PPM1H: variants seen among roughly 807,000 people sequenced by gnomAD.
The protein encoded by PPM1H is protein phosphatase 1H.
PPM1H carries 27 observed loss-of-function variants against 54.9 expected under a neutral mutation model. That is an observed-to-expected ratio of 0.49 (90% confidence interval 0.36 to 0.68). The LOEUF (loss-of-function observed/expected upper bound fraction) is 0.68. Among genes scored for constraint, PPM1H ranks in the 30% least tolerant of loss-of-function variants. The pLI is 0.00. For synonymous variants in PPM1H, 305 were observed against 270.8 expected, an observed-to-expected ratio of 1.13 and a Z score of -1.24; for missense variants, 596 against 667.8, an observed-to-expected ratio of 0.89 and a Z score of 1.19.
chr12:62,868,631 T>A (rs1293761448), intron 1 of PPM1H, among the ~76,000 whole-genome samples: 1 of 152,218 alleles, frequency 6.6e-6, no homozygotes, highest in Non-Finnish European at 1.5e-5. Flanking sequence ...CTGTTTACAC[T>A]TACCTCAAGA....
At chr12:62,728,944 A>AT (rs61163389) in intron 5 of PPM1H, among the ~76,000 whole-genome samples, 2,094 of 151,790 alleles carry the variant, frequency 0.014, 49 homozygotes, top group African/African-American at 0.048. Context: ...CCTTTTGATA[A>AT]TTTTTTTTTC....
intron 1 of PPM1H, among the ~76,000 whole-genome samples, chr12:62,923,543 A>G (rs926750453): frequency 6.6e-6 from 1 of 152,112 alleles, no homozygotes; most frequent in African/African-American, 2.4e-5. Flanking sequence ...CTGGGATTAC[A>G]GGTGTGTACC....
At position 62,671,294 on chromosome 12, in the gene PPM1H, G is replaced by A. The variant is rs1488081228; in HGVS notation, c.1246-3965C>T. The stretch of plus-strand genomic sequence containing the variant: ...AAACGGCTTTGAAGTGGGACTGGGG[G>A]ACATGGTCAGACCTTCTAATGGCTC... On this transcript the variant is annotated intron_variant, in intron 8 of 9. Transcript: ENST00000228705. 2.0e-5 allele frequency among the ~76,000 whole-genome samples: 3 copies of A among 152,154 alleles called. 1 individual carries two copies. The South Asian group carries it at 6.2e-4, about 32-fold the overall frequency.
intron 5 of PPM1H, chr12:62,720,998 A>C (rs530324221): frequency 1.0e-4 from 16 of 152,442 alleles, no homozygotes; most frequent in African/African-American, 3.4e-4. Flanking sequence ...TTCTCTACTC[A>C]GAGGCCACAT....
intron 4 of PPM1H, among the ~76,000 whole-genome samples, chr12:62,778,357 G>T: frequency 6.6e-6 from 1 of 152,140 alleles, no homozygotes; most frequent in East Asian, 1.9e-4. Context: ...TTGCTTCTCA[G>T]TAAAGTCACA....
At chr12:62,722,817 G>A (rs2076271059) in intron 5 of PPM1H, among the ~76,000 whole-genome samples, 1 of 152,188 alleles carries the variant, frequency 6.6e-6, no homozygotes, top group African/African-American at 2.4e-5. Context: ...ACACAGAGTT[G>A]CGTTAAGTGT....
chr12:62,659,148 G>A (rs978172732), intron 9 of PPM1H: 183 of 730,942 alleles, frequency 2.5e-4, no homozygotes, highest in Non-Finnish European at 7.3e-5. Flanking sequence ...CTGCAAAGCC[G>A]TTGTGGAAAG....
chr12:62,812,487 C>T (rs892158629), intron 2 of PPM1H, among the ~76,000 whole-genome samples: 13 of 152,138 alleles, frequency 8.5e-5, no homozygotes, highest in African/African-American at 3.1e-4. Context: ...TTCTGACTCA[C>T]AAAACAATAA....
chr12:62,857,827 CATT>C (rs1428739928), intron 1 of PPM1H, among the ~76,000 whole-genome samples: 4 of 152,070 alleles, frequency 2.6e-5, no homozygotes, highest in African/African-American at 9.7e-5. Context: ...ATATTGTGCA[CATT>C]ATATTTTATT....
intron 8 of PPM1H, among the ~76,000 whole-genome samples, chr12:62,680,824 C>T (rs2136627767): frequency 6.6e-6 from 1 of 152,274 alleles, no homozygotes; most frequent in Middle Eastern, 3.4e-3. Flanking sequence ...CCAAAAAAGG[C>T]ATAGAGGAAT....
chr12:62,672,749 CT>C (rs1160880265), intron 8 of PPM1H, among the ~76,000 whole-genome samples: 2 of 152,222 alleles, frequency 1.3e-5, no homozygotes, highest in African/African-American at 4.8e-5. Flanking sequence ...TATTTTACCC[CT>C]GTCCAGCTTA....
chr12:62,660,452 A>G (rs1206531891), intron 9 of PPM1H, among the ~76,000 whole-genome samples: 1 of 152,218 alleles, frequency 6.6e-6, no homozygotes, highest in East Asian at 1.9e-4. Flanking sequence ...CTACAAAGCT[A>G]TATTAACCCA....
At chr12:62,671,479 C>T (rs1394153390) in intron 8 of PPM1H, among the ~76,000 whole-genome samples, 2 of 152,182 alleles carry the variant, frequency 1.3e-5, no homozygotes, top group African/African-American at 4.8e-5. Context: ...TGCATACTTG[C>T]TGTGTGCCAA....
chr12:62,878,480 CAG>C (rs745698244), intron 1 of PPM1H, among the ~76,000 whole-genome samples: 11 of 151,934 alleles, frequency 7.2e-5, no homozygotes, highest in Non-Finnish European at 1.2e-4. Context: ...TTACTCAAGA[CAG>C]AAGTAGCTTT....
intron 1 of PPM1H, among the ~76,000 whole-genome samples, chr12:62,843,320 A>AAAC (rs1565806793): frequency 4.3e-4 from 66 of 152,236 alleles, no homozygotes; most frequent in Admixed American, 3.8e-3. Context: ...CTGTCTCAAA[A>AAAC]AAACAAACAA....
chr12:62,702,211 C>T (rs913043279), intron 6 of PPM1H, among the ~76,000 whole-genome samples: 5 of 152,112 alleles, frequency 3.3e-5, no homozygotes, highest in African/African-American at 1.2e-4. Context: ...AGTATATATA[C>T]AAATAGTTAT....
At chr12:62,868,656 T>C (rs149624759) in intron 1 of PPM1H, among the ~76,000 whole-genome samples, 129 of 152,354 alleles carry the variant, frequency 8.5e-4, no homozygotes, top group African/African-American at 2.8e-3. Flanking sequence ...TACAATACCC[T>C]GTACAAATAT....
chr12:62,797,969 G>C (rs2076745661), intron 3 of PPM1H, among the ~76,000 whole-genome samples: 1 of 152,174 alleles, frequency 6.6e-6, no homozygotes, highest in African/African-American at 2.4e-5. Flanking sequence ...AAAGCACAAG[G>C]TATGGCCACC....
chr12:62,669,539 G>A (rs559089012), intron 8 of PPM1H, among the ~76,000 whole-genome samples: 11 of 152,294 alleles, frequency 7.2e-5, no homozygotes, highest in East Asian at 1.9e-4. Flanking sequence ...GGGAATCAAC[G>A]TCTCAGTGGA....
Sources: allele counts gnomAD v4.1 joint callset (sites outside exome capture counted in the v4.1 genomes callset), GRCh38; gene constraint gnomAD v4.1.1; transcripts MANE v1.5; gene names NCBI Gene and HGNC (gene_info 2026-07-23, HGNC 2026-07-21).